PHLDB1: variants seen among roughly 807,000 people sequenced by gnomAD.
The protein encoded by PHLDB1 is pleckstrin homology like domain family B member 1.
Under a neutral mutation model 139.3 loss-of-function variants are expected in PHLDB1, and 65 were observed. The observed-to-expected ratio is 0.47, with a 90% CI of 0.38 to 0.57. PHLDB1 has a LOEUF of 0.57. Ranked by LOEUF, PHLDB1 falls within the 20% of genes least tolerant of loss-of-function variation. The pLI is 0.00. For missense variants in PHLDB1, 1,624 were observed against 1,839.7 expected (o/e 0.88, Z 2.14); for synonymous variants, 679 against 734.5 (o/e 0.92, Z 1.22).
At chr11:118,648,480 G>A (rs1213036767) in intron 18 of PHLDB1, among the ~76,000 whole-genome samples, 9 of 151,982 alleles carry the variant, frequency 5.9e-5, no homozygotes, top group Non-Finnish European at 8.8e-5. Context: ...CCTCAGATCC[G>A]CTTCATGAGC....
chr11:118,614,162 C>G (rs1941094694), intron 2 of PHLDB1, among the ~76,000 whole-genome samples: 1 of 152,146 alleles, frequency 6.6e-6, no homozygotes, highest in African/African-American at 2.4e-5. Context: ...TCTATCTTCC[C>G]TGTACTTGAG....
chr11:118,612,006 A>G lies in PHLDB1; in HGVS notation c.-21-1810A>G, dbSNP rs989135234. On this transcript the variant is annotated intron_variant, in intron 1 of 22. Coordinates refer to ENST00000600882, the MANE Select transcript of PHLDB1 (RefSeq NM_001144758.3). ...AGTATGCAATTAAAAGATTTTTAGT[A>G]TATTTACAGAGCCATGCAATCATCA... 3.4e-5 allele frequency among the ~76,000 whole-genome samples: 5 copies of G among 145,364 alleles called. No individual in the cohort carries two copies. The Admixed American group carries it at 3.6e-4, about 10-fold the overall frequency.
Position 118,635,556 on chromosome 11 carries a change from C to T in PHLDB1, c.2535+8C>T. 3 of 1,515,308 alleles carry T rather than the reference C, an allele frequency of 2.0e-6. No individual in the cohort carries two copies. Among genetic ancestry groups the T allele is most frequent in the East Asian group, 2.4e-5 (1 of 41,650 alleles). 93.9% of individuals were successfully genotyped at this position (1,515,308 alleles called of 1,614,324 possible). A position where few individuals can be genotyped will look rare whatever the true frequency, so the allele number is the denominator to read the frequency against. ...AGCATCGCCAAGAGGAAGGTGTGCC[C>T]CACCTCGTTCCCTGCTGCGTGCTGT... On this transcript the variant is annotated splice_region_variant and intron_variant, in intron 10 of 22. Transcript: ENST00000600882.
intron 12 of PHLDB1, chr11:118,639,778 A>G (rs1591666096): frequency 3.9e-6 from 1 of 254,604 alleles, no homozygotes. Context: ...TCCCTGCCTC[A>G]CTACACAAAC....
In PHLDB1 at chr11:118,650,049, C is replaced by A. The variant is rs782684898; in HGVS notation, c.3655-28C>A. On this transcript the variant is annotated intron_variant, in intron 18 of 22. Transcript: ENST00000600882. This position sits in a 1 kb window ranked among gnomAD's most constrained non-coding sequence, Gnocchi z 4.7. ...GGGAATAATGAGGGAAGAGAGGAGA[C>A]TCTCCTGACCCTCCCTCTTGCTCCC... is the stretch of plus-strand genomic sequence containing the variant. The A allele has an allele frequency of 3.3e-6, 5 of 1,495,212 alleles. No homozygotes were observed. The African/African-American group carries it at 6.9e-5, about 21-fold the overall frequency. The allele number at this position is 1,495,212 out of a possible 1,614,324, so 92.6% of individuals were successfully genotyped here.
At position 118,631,490 on chromosome 11, in the gene PHLDB1, GGGGTA is replaced by G. The variant is rs1944797461; in HGVS notation, c.2100+14_2100+18del. ...AGCACCCAGCAGGAGGTGAGATGGA[GGGGTA>G]GGCAAGACAAAGAGGCTGAAGTTGG... On this transcript the variant is annotated intron_variant, in intron 7 of 22. Transcript: ENST00000600882. 1 of 1,422,676 alleles carries G rather than the reference GGGGTA, an allele frequency of 7.0e-7. No individual in the cohort carries two copies. The highest frequency in any genetic ancestry group is 9.2e-7 in the Non-Finnish European group (1 of 1,092,782). 88.1% of individuals were successfully genotyped at this position (1,422,676 alleles called of 1,614,324 possible).
chr11:118,655,747 G>A, intron 21 of PHLDB1, 57 bp downstream of exon 21: 1 of 1,504,266 alleles, frequency 6.6e-7, no homozygotes, highest in Non-Finnish European at 9.3e-7. Flanking sequence ...GGAAGGGGTG[G>A]CCTGGTGGGG....
rs1555102456 is a variant in PHLDB1, at chr11:118,627,317, G to A, written c.494G>A (p.Ser165Asn). The A allele has an allele frequency of 6.2e-7, 1 of 1,613,208 alleles. No individual in the cohort carries two copies. Among genetic ancestry groups the A allele is most frequent in the African/African-American group, 1.3e-5 (1 of 74,872 alleles). ...CATTTCCCTCCAGCAGAATCAGAAA[G>A]TCTGGTAAATGGGAACCACACCCCA... ...PYSPVPAESE[S>N]LVNGNHTPQT... The change falls in exon 6 of 23, where the codon AGT (serine) becomes AAT (asparagine). Residue 165 changes from serine to asparagine, a missense_variant. Physicochemically the swap from Ser to Asn is conservative, Grantham distance 46. Coordinates refer to ENST00000600882, the MANE Select transcript of PHLDB1 (RefSeq NM_001144758.3).
rs781835606 is a variant in PHLDB1, at chr11:118,628,515, C to G, written c.1692C>G (p.Ser564Arg). ...QSPCVQRKLSSGDLRVPVTRE... is the reference protein window; with the variant it reads ...QSPCVQRKLSRGDLRVPVTRE... ...CCTGTGTCCAGAGGAAGCTCTCCAG[C>G]GGGGACTTGCGGGTGCCTGTCACAA... Residue 564 changes from serine (S) to arginine (R), a missense_variant, in exon 6 of 23, where the codon AGC becomes AGG. By Grantham distance (110) the Ser-to-Arg change is moderately radical. Coordinates refer to ENST00000600882, the MANE Select transcript of PHLDB1 (RefSeq NM_001144758.3). 4 of 1,613,240 alleles carry G rather than the reference C, an allele frequency of 2.5e-6. No individual in the cohort carries two copies. The East Asian group carries it at 6.7e-5, about 27-fold the overall frequency.
chr11:118,640,104 T>A (rs926502294), intron 12 of PHLDB1: 54 of 572,240 alleles, frequency 9.4e-5, no homozygotes, highest in Non-Finnish European at 1.2e-4. Flanking sequence ...CTGAAGGGCA[T>A]GTGGTGATAG....
chr11:118,616,081 A>G lies in PHLDB1; in HGVS notation c.225A>G (p.Leu75=). The G allele has an allele frequency of 6.2e-7, 1 of 1,614,026 alleles. No homozygotes were observed. Among genetic ancestry groups the G allele is most frequent in the Non-Finnish European group, 8.5e-7 (1 of 1,179,914 alleles). The change falls in exon 4 of 23, where the codon CTA becomes CTG. Residue 75 remains leucine (L), a synonymous_variant. Transcript: ENST00000600882. ...GCTCTGCAGCCAGAGACATCTCACT[A>G]CAGGGCCCAGGCCTGGCTCCAGAGC... The part of the protein sequence containing the change: ...VIGSAARDIS[L]QGPGLAPEHC...
At position 118,610,564 on chromosome 11, in the gene PHLDB1, C is replaced by A; in HGVS notation, c.-22+2865C>A. ...GACCCGCGGGGCTCCGGGGAGCGCC[C>A]GAGCAGTGGCCCCGCGAAGGGCCGG... On this transcript the variant is annotated intron_variant, in intron 1 of 22. Transcript: ENST00000600882. The surrounding 1 kb of genome is among the most constrained non-coding windows in gnomAD (Gnocchi z 8.7). The A allele has an allele frequency of 3.8e-6, 3 of 787,668 alleles. No homozygotes were observed. The highest frequency in any genetic ancestry group is 4.6e-6 in the Non-Finnish European group (3 of 648,928). 48.8% of individuals were successfully genotyped at this position (787,668 alleles called of 1,614,324 possible).
intron 14 of PHLDB1, 43 bp downstream of exon 14, chr11:118,643,983 G>A: frequency 1.9e-6 from 3 of 1,593,422 alleles, no homozygotes; most frequent in Non-Finnish European, 2.6e-6. Flanking sequence ...GCTGGGGATG[G>A]AGACTTCCAC....
chr11:118,609,439 A>G (rs1591412278), intron 1 of PHLDB1, among the ~76,000 whole-genome samples: 1 of 141,832 alleles, frequency 7.1e-6, no homozygotes, highest in South Asian at 2.3e-4. Flanking sequence ...TCCAGCTCAC[A>G]CACGCAGCCC....
Position 118,611,471 on chromosome 11 carries a change from C to G in PHLDB1, c.-21-2345C>G, listed in dbSNP as rs1555083832. On this transcript the variant is annotated intron_variant, in intron 1 of 22. Coordinates refer to ENST00000600882, the MANE Select transcript of PHLDB1 (RefSeq NM_001144758.3). This position sits in a 1 kb window ranked among gnomAD's most constrained non-coding sequence, Gnocchi z 4.7. Reference sequence around the variant, plus strand: ...AAATGAGCACACCACAGCTGCCCCACACGGCGATAGTGACCAATACTCCAA... The same window carrying G: ...AAATGAGCACACCACAGCTGCCCCAGACGGCGATAGTGACCAATACTCCAA... 6.6e-6 allele frequency among the ~76,000 whole-genome samples: 1 copy of G among 152,188 alleles called. No homozygotes were observed. Among genetic ancestry groups the G allele is most frequent in the Non-Finnish European group, 1.5e-5 (1 of 68,044 alleles).
intron 9 of PHLDB1, chr11:118,634,325 T>G (rs1391174747): frequency 6.6e-6 from 1 of 152,194 alleles, no homozygotes; most frequent in African/African-American, 2.4e-5. Context: ...GCCAAGGGTG[T>G]TGGGTTGGGG....
At chr11:118,631,518 T>C in intron 7 of PHLDB1, 39 bp downstream of exon 7, 1 of 1,404,162 alleles carries the variant, frequency 7.1e-7, no homozygotes, top group Non-Finnish European at 9.2e-7. Context: ...AGGCTGAAGT[T>C]GGACCTGCTG....
chr11:118,650,145 A>G lies in PHLDB1; in HGVS notation c.3723A>G (p.Ser1241=). ...EDFDLKTHIE[S]SGHGVDTCLH... ...TTGACCTGAAGACACATATTGAGTC[A>G]TCGGGCCATGGTGTTGATACCTGCC... Residue 1241 remains serine (S), a synonymous_variant, in exon 19 of 23, where the codon TCA becomes TCG. Transcript: ENST00000600882. This position sits in a 1 kb window ranked among gnomAD's most constrained non-coding sequence, Gnocchi z 4.7. The G allele has an allele frequency of 6.2e-7, 1 of 1,614,208 alleles. No individual in the cohort carries two copies. The highest frequency in any genetic ancestry group is 8.5e-7 in the Non-Finnish European group (1 of 1,180,008).
At chr11:118,637,219 C>T (rs1945790420) in intron 10 of PHLDB1, 1 of 152,194 alleles carries the variant, frequency 6.6e-6, no homozygotes, top group Non-Finnish European at 1.5e-5. Flanking sequence ...AATGCACCTG[C>T]CTCATAAAGG....
Sources: allele counts gnomAD v4.1 joint callset (sites outside exome capture counted in the v4.1 genomes callset), GRCh38; gene constraint gnomAD v4.1.1; non-coding constraint Gnocchi (gnomAD v3.1); transcripts MANE v1.5; gene names NCBI Gene and HGNC (gene_info 2026-07-23, HGNC 2026-07-21).